The following LARGE1 variants were observed in gnomAD, a reference collection of about 807,000 sequenced individuals.
LARGE1 encodes the protein xylosyl- and glucuronyltransferase LARGE1.
In LARGE1, 43 loss-of-function variants were observed where a neutral mutation model predicts 87.6. The ratio of observed to expected loss-of-function variants is 0.49; its 90% CI spans 0.38 to 0.63. LARGE1 has a LOEUF of 0.63. Among genes scored for constraint, LARGE1 ranks in the 30% least tolerant of loss-of-function variants. The probability of loss-of-function intolerance (pLI) is 0.00; values close to 1 mark genes in which losing one functional copy is unlikely to be tolerated. For synonymous variants in LARGE1, 434 were observed against 394.6 expected (o/e 1.10, Z -1.18); for missense variants, 802 against 1,000.2 (o/e 0.80, Z 2.67).
chr22:33,774,258 GA>G lies in LARGE1; in HGVS notation c.-82-12701del, dbSNP rs565616845. Among the ~76,000 whole-genome samples the G allele has an allele frequency of 4.2e-3, 278 of 66,928 alleles. 1 individual carries two copies. The highest frequency in any genetic ancestry group is 0.013 in the African/African-American group (272 of 21,468). 43.9% of individuals were successfully genotyped at this position (66,928 alleles called of 152,430 possible). A position where few individuals can be genotyped will look rare whatever the true frequency, so the allele number is the denominator to read the frequency against. On this transcript the variant is annotated intron_variant, in intron 1 of 14. Transcript: ENST00000397394. ...CATGAAGAATCAATAGGCTTCCTTG[GA>G]TAAGACAATGGCCACTCTTACAAAA...
At chr22:33,174,526 C>T (rs1922755641) in intron 11 of LARGE1, among the ~76,000 whole-genome samples, 1 of 152,136 alleles carries the variant, frequency 6.6e-6, no homozygotes, top group Non-Finnish European at 1.5e-5. Context: ...ATGAAAAACC[C>T]TTCAAAAAAT....
At chr22:33,643,944 C>T (rs575422779) in intron 3 of LARGE1, among the ~76,000 whole-genome samples, 5 of 152,234 alleles carry the variant, frequency 3.3e-5, no homozygotes, top group African/African-American at 1.2e-4. Flanking sequence ...AAAAAAAGCC[C>T]AGGACCAGAT....
intron 1 of LARGE1, among the ~76,000 whole-genome samples, chr22:33,895,878 G>T (rs535425232): frequency 7.9e-5 from 12 of 152,324 alleles, no homozygotes; most frequent in African/African-American, 2.6e-4. Context: ...GATCATGAGG[G>T]CCAACTTAGA....
chr22:33,433,621 A>C (rs1415367681), intron 6 of LARGE1, among the ~76,000 whole-genome samples: 2 of 151,474 alleles, frequency 1.3e-5, no homozygotes, highest in African/African-American at 4.8e-5. Flanking sequence ...AAAAAAAAAA[A>C]AAAAAAAAAG....
intron 7 of LARGE1, among the ~76,000 whole-genome samples, chr22:33,424,827 G>C: frequency 6.6e-6 from 1 of 152,190 alleles, no homozygotes. Context: ...CTGACTGACA[G>C]AGCAAGACCC....
intron 2 of LARGE1, among the ~76,000 whole-genome samples, chr22:33,714,431 T>C (rs1569397972): frequency 6.6e-6 from 1 of 152,182 alleles, no homozygotes; most frequent in East Asian, 1.9e-4. Flanking sequence ...CTGGGGGACA[T>C]AATTACACTC....
intron 1 of LARGE1, among the ~76,000 whole-genome samples, chr22:33,894,799 T>A (rs1412200237): frequency 6.6e-6 from 1 of 152,068 alleles, no homozygotes; most frequent in East Asian, 1.9e-4. Flanking sequence ...AGCCACCTCA[T>A]CAGGCTGTTG....
intron 1 of LARGE1, among the ~76,000 whole-genome samples, chr22:33,766,913 CATATATATATATATATATATAT>C (rs34406131): frequency 0.037 from 4,177 of 111,622 alleles, 114 homozygotes; most frequent in Non-Finnish European, 0.047. Context: ...TAAACATATA[CATATATATATATATATATATAT>C]ATATATATAT....
intron 1 of LARGE1, among the ~76,000 whole-genome samples, chr22:33,881,915 G>A (rs1010303035): frequency 7.9e-5 from 12 of 152,216 alleles, no homozygotes; most frequent in Admixed American, 6.5e-5. Flanking sequence ...CTGTAACCAG[G>A]AGGCCAAATA....
At chr22:33,181,366 G>C (rs1200260812) in intron 11 of LARGE1, among the ~76,000 whole-genome samples, 1 of 151,802 alleles carries the variant, frequency 6.6e-6, no homozygotes, top group African/African-American at 2.4e-5. Context: ...CCATATCTCA[G>C]ATCAATTGAT....
chr22:33,247,756 G>A (rs1423282354), intron 11 of LARGE1, among the ~76,000 whole-genome samples: 1 of 152,214 alleles, frequency 6.6e-6, no homozygotes, highest in Non-Finnish European at 1.5e-5. Flanking sequence ...GAACAAGGCA[G>A]TGTACTGATT....
downstream of LARGE1, among the ~76,000 whole-genome samples, chr22:33,270,159 T>C (rs1036604695): frequency 1.3e-5 from 2 of 152,198 alleles, no homozygotes; most frequent in South Asian, 4.1e-4. Context: ...GGACACTTCT[T>C]AAAAGGAGTT....
intron 9 of LARGE1, among the ~76,000 whole-genome samples, chr22:33,356,625 A>G (rs1218644814): frequency 1.3e-5 from 2 of 151,846 alleles, no homozygotes; most frequent in Non-Finnish European, 2.9e-5. Flanking sequence ...ACAAAAATTA[A>G]CCAGCATGGT....
At chr22:33,762,237 A>T (rs1301402929) in intron 1 of LARGE1, among the ~76,000 whole-genome samples, 1 of 137,872 alleles carries the variant, frequency 7.3e-6, no homozygotes, top group South Asian at 2.4e-4. Flanking sequence ...AAAAAAAAAA[A>T]AAAAGACTAG....
intron 3 of LARGE1, among the ~76,000 whole-genome samples, chr22:33,642,150 T>C (rs924226214): frequency 1.3e-5 from 2 of 152,118 alleles, no homozygotes; most frequent in Non-Finnish European, 2.9e-5. Flanking sequence ...AGGCTACCTA[T>C]GGAGGGAAGC....
At chr22:33,397,659 A>G (rs944973725) in intron 7 of LARGE1, among the ~76,000 whole-genome samples, 1 of 152,160 alleles carries the variant, frequency 6.6e-6, no homozygotes, top group African/African-American at 2.4e-5. Context: ...ATGTCTTTTG[A>G]CGGCATGTGT....
intron 2 of LARGE1, among the ~76,000 whole-genome samples, chr22:33,716,714 T>A (rs1345145590): frequency 6.6e-6 from 1 of 152,226 alleles, no homozygotes; most frequent in Non-Finnish European, 1.5e-5. Flanking sequence ...CCAAAATATT[T>A]ACTGAGCCTC....
At chr22:33,917,426 C>CT (rs1335678378) in intron 1 of LARGE1, among the ~76,000 whole-genome samples, 2 of 152,192 alleles carry the variant, frequency 1.3e-5, no homozygotes, top group Non-Finnish European at 2.9e-5. Flanking sequence ...CAGACAGCGT[C>CT]TGAGGTGGAA....
chr22:33,861,381 C>T (rs2146593340), intron 1 of LARGE1, among the ~76,000 whole-genome samples: 1 of 152,100 alleles, frequency 6.6e-6, no homozygotes, highest in South Asian at 2.1e-4. Flanking sequence ...CCACTCCTCA[C>T]CCACCTACAC....
Sources: allele counts gnomAD v4.1 joint callset (sites outside exome capture counted in the v4.1 genomes callset), GRCh38; gene constraint gnomAD v4.1.1; transcripts MANE v1.5; gene names NCBI Gene and HGNC (gene_info 2026-07-23, HGNC 2026-07-21).